Variants in SOX5 observed in about 807,000 individuals in gnomAD.
SOX5 encodes the protein SRY-box transcription factor 5.
SOX5 carries 9 observed loss-of-function variants against 92.0 expected under a neutral mutation model. The observed-to-expected ratio is 0.10, with a 90% CI of 0.06 to 0.17. The LOEUF is 0.17. Among genes scored for constraint, SOX5 ranks in the 10% least tolerant of loss-of-function variants. SOX5 has a pLI of 1.00. For missense variants in SOX5, 642 were observed against 944.5 expected, an observed-to-expected ratio of 0.68 and a Z score of 4.20; for synonymous variants, 344 against 336.3, an observed-to-expected ratio of 1.02 and a Z score of -0.25.
chr12:24,394,558 A>G (rs1466469135), intron 1 of SOX5, among the ~76,000 whole-genome samples: 1 of 152,072 alleles, frequency 6.6e-6, no homozygotes, highest in East Asian at 1.9e-4. Flanking sequence ...GGTGATTTCC[A>G]CCTCTTCTCT....
intron 1 of SOX5, among the ~76,000 whole-genome samples, chr12:24,456,489 G>A (rs1159957677): frequency 6.6e-6 from 1 of 152,208 alleles, no homozygotes; most frequent in African/African-American, 2.4e-5. Flanking sequence ...CAGGGTGGTT[G>A]AGGTGGAAGT....
At chr12:23,843,246 T>A (rs2096538474) in intron 3 of SOX5, among the ~76,000 whole-genome samples, 1 of 152,164 alleles carries the variant, frequency 6.6e-6, no homozygotes, top group South Asian at 2.1e-4. Flanking sequence ...AAATATAATG[T>A]GTTACCCTTG....
chr12:24,346,640 ACGG>A (rs1953301484), intron 2 of SOX5, among the ~76,000 whole-genome samples: 1 of 152,006 alleles, frequency 6.6e-6, no homozygotes, highest in Non-Finnish European at 1.5e-5. Flanking sequence ...TTTAGTAGAG[ACGG>A]GGCTTCACTA....
At chr12:23,800,520 G>T (rs4511370) in intron 3 of SOX5, among the ~76,000 whole-genome samples, 1 of 151,666 alleles carries the variant, frequency 6.6e-6, no homozygotes, top group African/African-American at 2.4e-5. Flanking sequence ...ATTGGGACAT[G>T]AATGATACAA....
At chr12:24,279,033 C>T (rs1944850265) in intron 2 of SOX5, among the ~76,000 whole-genome samples, 3 of 151,902 alleles carry the variant, frequency 2.0e-5, no homozygotes, top group African/African-American at 4.8e-5. Context: ...ATTTTACCCA[C>T]AAGAGGGAGC....
intron 1 of SOX5, 143 bp downstream of exon 1, chr12:23,949,421 A>G: frequency 1.0e-6 from 1 of 990,246 alleles, no homozygotes; most frequent in Non-Finnish European, 1.6e-6. Context: ...ACAACAAAAA[A>G]TCAGCTAACA....
chr12:24,074,655 C>CAAAAAAAAAAAAAAAA (rs1942289662), intron 4 of SOX5, among the ~76,000 whole-genome samples: 3 of 64,468 alleles, frequency 4.7e-5, no homozygotes, highest in Admixed American at 1.5e-4. Context: ...AAAAAAAAAG[C>CAAAAAAAAAAAAAAAA]TCAATATTCA....
At chr12:23,556,129 A>C (rs1388051108) in intron 11 of SOX5, among the ~76,000 whole-genome samples, 1 of 152,190 alleles carries the variant, frequency 6.6e-6, no homozygotes, top group Non-Finnish European at 1.5e-5. Context: ...TCCCATAAGA[A>C]GTGTTCCCTA....
intron 3 of SOX5, among the ~76,000 whole-genome samples, chr12:24,231,776 G>T (rs544037908): frequency 9.4e-4 from 143 of 152,300 alleles, no homozygotes; most frequent in Non-Finnish European, 1.6e-3. Flanking sequence ...AAAGCATTAT[G>T]TACTCTACTT....
intron 9 of SOX5, among the ~76,000 whole-genome samples, chr12:23,602,037 C>T (rs2074569527): frequency 6.6e-6 from 1 of 152,116 alleles, no homozygotes; most frequent in African/African-American, 2.4e-5. Flanking sequence ...ACAACACCCA[C>T]TATAAACCAC....
rs547593350 is a variant in SOX5, at chr12:24,151,864, AAAAT to A, written c.-2+61475_-2+61478del. Among the ~76,000 whole-genome samples the A allele has an allele frequency of 1.7e-4, 26 of 152,144 alleles. No homozygotes were observed. The Middle Eastern group carries it at 0.01, about 60-fold the overall frequency. ...CATAGAATACGATGCAAGAAGTAAA[AAAAT>A]AAATAAATAAATAAATAAAATAAGC... On this transcript the variant is annotated intron_variant, in intron 4 of 4. Transcript: ENST00000446891.
chr12:23,695,073 CTG>C (rs1190917739), intron 6 of SOX5, among the ~76,000 whole-genome samples: 2 of 149,234 alleles, frequency 1.3e-5, no homozygotes, highest in African/African-American at 5.0e-5. Flanking sequence ...TGAGCCGTGA[CTG>C]TGTCACTCTA....
chr12:24,402,496 C>A (rs1046024868), intron 1 of SOX5, among the ~76,000 whole-genome samples: 1 of 152,160 alleles, frequency 6.6e-6, no homozygotes, highest in Admixed American at 6.5e-5. Flanking sequence ...TTCATCTCTG[C>A]AGCTACTCTC....
chr12:23,901,103 A>T (rs192901246), intron 1 of SOX5, among the ~76,000 whole-genome samples: 1 of 152,348 alleles, frequency 6.6e-6, no homozygotes, highest in East Asian at 1.9e-4. Context: ...TGGGGAGATT[A>T]TTCTGAATAT....
At chr12:23,903,950 A>G (rs2097264196) in intron 1 of SOX5, among the ~76,000 whole-genome samples, 1 of 152,222 alleles carries the variant, frequency 6.6e-6, no homozygotes, top group Non-Finnish European at 1.5e-5. Flanking sequence ...AAACACTTTT[A>G]TTTGATGCAT....
intron 4 of SOX5, among the ~76,000 whole-genome samples, chr12:24,199,208 C>T (rs1455447183): frequency 6.6e-6 from 1 of 152,084 alleles, no homozygotes; most frequent in Non-Finnish European, 1.5e-5. Context: ...GATTAAAGAC[C>T]ATGACAGGAC....
rs115558375 is a variant in SOX5 at position 24,112,137 on chromosome 12, G to A, written c.-2+101206C>T. Among the ~76,000 whole-genome samples, 1,106 of 152,238 alleles carry A rather than the reference G, an allele frequency of 7.3e-3. 11 individuals carry two copies. Among genetic ancestry groups the A allele is most frequent in the African/African-American group, 0.025 (1,038 of 41,520 alleles). On this transcript the variant is annotated intron_variant, in intron 4 of 4. Coordinates refer to the SOX5 transcript ENST00000446891. ...AAAGTGCATGCAAAAATTTTAAGAC[G>A]TTTAAATGATTTTGCTATTGGAATG... is the stretch of plus-strand genomic sequence containing the variant.
At chr12:24,325,248 G>A (rs1950568899) in intron 2 of SOX5, among the ~76,000 whole-genome samples, 1 of 151,992 alleles carries the variant, frequency 6.6e-6, no homozygotes, top group African/African-American at 2.4e-5. Context: ...GAAAAAGTAG[G>A]CTTTCAGTTG....
At chr12:23,954,093 C>T (rs1945989024), upstream of SOX5, among the ~76,000 whole-genome samples, 1 of 151,886 alleles carries the variant, frequency 6.6e-6, no homozygotes, top group African/African-American at 2.4e-5. Flanking sequence ...CTATTTTTGT[C>T]CTCATTTTAA....
Sources: gnomAD v4.1 joint callset for allele counts (sites outside exome capture counted in the v4.1 genomes callset) on GRCh38, gnomAD v4.1.1 for gene constraint, MANE v1.5 for transcripts, NCBI Gene and HGNC (gene_info 2026-07-23, HGNC 2026-07-21) for gene names.